The following COLEC11 variants were observed in gnomAD, a reference collection of about 807,000 sequenced individuals.
The protein encoded by COLEC11 is collectin-11.
COLEC11 carries 20 observed loss-of-function variants against 27.3 expected under a neutral mutation model. The ratio of observed to expected loss-of-function variants is 0.73; its 90% CI spans 0.51 to 1.06. The LOEUF is 1.06. Ranked by LOEUF, COLEC11 falls within the 50% of genes least tolerant of loss-of-function variation. COLEC11 has a pLI of 0.00. For missense variants in COLEC11, 310 were observed against 383.0 expected, an observed-to-expected ratio of 0.81 and a Z score of 1.59; for synonymous variants, 163 against 154.7, an observed-to-expected ratio of 1.05 and a Z score of -0.40.
rs559195707 is a variant in COLEC11, at chr2:3,616,383, G to A, written c.202+3001G>A. ...GCGGCCGGGCAGAGGCTGCAATCTCGGCACTTTGGGAGGCCAAGGCAGGCG... is the reference window on the plus strand; with the variant it reads ...GCGGCCGGGCAGAGGCTGCAATCTCAGCACTTTGGGAGGCCAAGGCAGGCG... On this transcript the variant is annotated intron_variant, in intron 3 of 6. Transcript: ENST00000349077. 3.3e-5 allele frequency among the ~76,000 whole-genome samples: 5 copies of A among 150,936 alleles called. No individual in the cohort carries two copies. The South Asian group carries it at 6.3e-4, about 19-fold the overall frequency.
intron 3 of COLEC11, among the ~76,000 whole-genome samples, chr2:3,623,402 C>T (rs763195963): frequency 5.9e-5 from 9 of 152,108 alleles, no homozygotes; most frequent in Non-Finnish European, 1.0e-4. Context: ...TCTATATTCT[C>T]CTAATACAAC....
chr2:3,638,245 A>G (rs778525507), intron 4 of COLEC11, among the ~76,000 whole-genome samples: 8 of 151,906 alleles, frequency 5.3e-5, no homozygotes, highest in Non-Finnish European at 8.8e-5. Flanking sequence ...TGCTGCTCCT[A>G]TGCGCCCCCG....
intron 3 of COLEC11, among the ~76,000 whole-genome samples, chr2:3,633,560 T>C (rs1408570775): frequency 6.6e-6 from 1 of 152,156 alleles, no homozygotes; most frequent in Non-Finnish European, 1.5e-5. Flanking sequence ...GTGAGGGTGC[T>C]GTGAGCGCGT....
chr2:3,632,906 C>T (rs1220977629), intron 3 of COLEC11, among the ~76,000 whole-genome samples: 2 of 151,930 alleles, frequency 1.3e-5, no homozygotes, highest in Non-Finnish European at 1.5e-5. Context: ...ACAAACACCA[C>T]GGGCTGAGGA....
At chr2:3,597,449 G>C (rs549474455) in intron 1 of COLEC11, among the ~76,000 whole-genome samples, 2 of 151,646 alleles carry the variant, frequency 1.3e-5, no homozygotes, top group Non-Finnish European at 2.9e-5. Context: ...CAGCAGATGA[G>C]TGTGAGTGAA....
chr2:3,621,363 T>C (rs1664175632), intron 3 of COLEC11, among the ~76,000 whole-genome samples: 1 of 152,256 alleles, frequency 6.6e-6, no homozygotes, highest in African/African-American at 2.4e-5. Flanking sequence ...TGTTTTGGTT[T>C]CAATTTGTGT....
At chr2:3,613,269 C>A in intron 2 of COLEC11, 42 bp from the exon 3 acceptor site, 1 of 1,575,734 alleles carries the variant, frequency 6.3e-7, no homozygotes, top group South Asian at 1.2e-5. Context: ...AGACGCTGTG[C>A]TGGCCAGACG....
intron 4 of COLEC11, among the ~76,000 whole-genome samples, 153 bp downstream of exon 4, chr2:3,637,757 T>G (rs1279999799): frequency 6.6e-6 from 1 of 152,120 alleles, no homozygotes; most frequent in African/African-American, 2.4e-5. Context: ...AGTACTTCCA[T>G]TTTTGGGGTG....
intron 5 of COLEC11, 56 bp from the exon 6 acceptor site, chr2:3,643,388 C>T: frequency 6.9e-7 from 1 of 1,444,566 alleles, no homozygotes; most frequent in Non-Finnish European, 9.7e-7. Flanking sequence ...CCTCGCCTCT[C>T]TTCTGAGTCC....
chr2:3,617,482 A>T, intron 3 of COLEC11: 1 of 1,386,314 alleles, frequency 7.2e-7, no homozygotes, highest in Non-Finnish European at 1.0e-6. Flanking sequence ...CTAAACAGCT[A>T]AAAGAAGTAA....
intron 2 of COLEC11, chr2:3,605,961 T>G: frequency 2.5e-6 from 3 of 1,190,698 alleles, no homozygotes; most frequent in Non-Finnish European, 2.3e-6. Context: ...CCAGTGGCCT[T>G]TGTGCTTTTA....
intron 3 of COLEC11, among the ~76,000 whole-genome samples, chr2:3,624,033 C>T (rs982082843): frequency 6.6e-6 from 1 of 152,190 alleles, no homozygotes; most frequent in African/African-American, 2.4e-5. Flanking sequence ...GTGGATGCAC[C>T]TGCTCCACAC....
At chr2:3,631,263 C>G (rs369518755) in intron 3 of COLEC11, among the ~76,000 whole-genome samples, 1 of 152,054 alleles carries the variant, frequency 6.6e-6, no homozygotes, top group Non-Finnish European at 1.5e-5. Flanking sequence ...AAAAAAGATG[C>G]TTAGGCATTC....
At chr2:3,606,501 C>T (rs1662710462) in intron 2 of COLEC11, among the ~76,000 whole-genome samples, 1 of 152,166 alleles carries the variant, frequency 6.6e-6, no homozygotes, top group Non-Finnish European at 1.5e-5. Flanking sequence ...CCTCCTGGTC[C>T]GTGAGGTTGG....
rs1376866710 is a variant in COLEC11 at position 3,602,447 on chromosome 2, C to T, written c.-26-1868C>T. On this transcript the variant is annotated intron_variant, in intron 1 of 6. Coordinates refer to ENST00000349077, the MANE Select transcript of COLEC11 (RefSeq NM_024027.5). This position sits in a 1 kb window ranked among gnomAD's most constrained non-coding sequence, Gnocchi z 6.2. ...AAAAGCTTTAATCTTTGATTTCTCTCTGTCATTTCCCACATAACTGATCAG... is the reference window on the plus strand; with the variant it reads ...AAAAGCTTTAATCTTTGATTTCTCTTTGTCATTTCCCACATAACTGATCAG... Among the ~76,000 whole-genome samples the T allele has an allele frequency of 2.0e-5, 3 of 152,140 alleles. No individual in the cohort carries two copies. The highest frequency in any genetic ancestry group is 4.4e-5 in the Non-Finnish European group (3 of 68,044).
In COLEC11 at chr2:3,622,886, G is replaced by C. The variant is rs138403254; in HGVS notation, c.202+9504G>C. Among the ~76,000 whole-genome samples, 16 of 152,312 alleles carry C rather than the reference G, an allele frequency of 1.1e-4. No individual in the cohort carries two copies. In the East Asian group the frequency reaches 3.1e-3, roughly 29 times the overall value. On this transcript the variant is annotated intron_variant, in intron 3 of 6. Transcript: ENST00000349077. ...CTAAGGCAAGTATATAGTTTTATCA[G>C]TTATCTCTACACTTTTAAATGTTTT...
intron 5 of COLEC11, 121 bp downstream of exon 5, chr2:3,640,452 A>G (rs549611286): frequency 5.2e-4 from 346 of 663,752 alleles, no homozygotes; most frequent in African/African-American, 2.2e-3. Context: ...CACATCCCAC[A>G]GTGGACACCC....
chr2:3,604,013 G>A (rs375445463), intron 1 of COLEC11: 8 of 567,756 alleles, frequency 1.4e-5, no homozygotes, highest in Middle Eastern at 4.7e-4. Flanking sequence ...TGTAGGAATC[G>A]TTTGTCCCAG....
intron 1 of COLEC11, chr2:3,603,706 C>G (rs1662410107): frequency 1.3e-6 from 2 of 1,546,808 alleles, no homozygotes; most frequent in Admixed American, 3.9e-5. Context: ...ATGTCCATGA[C>G]ACCCCTCTTC....
Sources: allele counts gnomAD v4.1 joint callset (sites outside exome capture counted in the v4.1 genomes callset), GRCh38; gene constraint gnomAD v4.1.1; non-coding constraint Gnocchi (gnomAD v3.1); transcripts MANE v1.5; gene names NCBI Gene and HGNC (gene_info 2026-07-23, HGNC 2026-07-21).